The following NEDD4L variants were observed in gnomAD, a reference collection of about 807,000 sequenced individuals.
The protein encoded by NEDD4L is E3 ubiquitin-protein ligase NEDD4-like.
Under a neutral mutation model 148.9 loss-of-function variants are expected in NEDD4L, and 54 were observed. That is an observed-to-expected ratio of 0.36 (90% CI 0.29 to 0.45). NEDD4L has a LOEUF of 0.45. Ranked by LOEUF, NEDD4L falls within the 20% of genes least tolerant of loss-of-function variation. The pLI, the probability that NEDD4L is intolerant of heterozygous loss-of-function variation, is 1.00. For synonymous variants in NEDD4L, 433 were observed against 440.7 expected, an observed-to-expected ratio of 0.98 and a Z score of 0.22; for missense variants, 856 against 1,233.8, an observed-to-expected ratio of 0.69 and a Z score of 4.59.
At chr18:58,075,779 A>T (rs888340615) in intron 1 of NEDD4L, among the ~76,000 whole-genome samples, 2 of 151,816 alleles carry the variant, frequency 1.3e-5, no homozygotes, top group East Asian at 1.9e-4. Flanking sequence ...TTTTTTTTTT[A>T]AATTAGCTGG....
At chr18:58,320,811 C>T (rs915509197) in intron 6 of NEDD4L, among the ~76,000 whole-genome samples, 1 of 151,852 alleles carries the variant, frequency 6.6e-6, no homozygotes, top group Admixed American at 6.6e-5. Flanking sequence ...GACCCTGTCT[C>T]TAAATTAAAT....
At chr18:58,355,312 G>C (rs536124461) in intron 18 of NEDD4L, among the ~76,000 whole-genome samples, 127 of 152,292 alleles carry the variant, frequency 8.3e-4, no homozygotes, top group African/African-American at 2.6e-3. Context: ...TTCCTGATTG[G>C]GACAGTGAGT....
intron 1 of NEDD4L, among the ~76,000 whole-genome samples, chr18:58,087,485 T>TTTTTCTTG (rs1284510031): frequency 6.6e-6 from 1 of 152,230 alleles, no homozygotes; most frequent in Non-Finnish European, 1.5e-5. Context: ...TTTTTTTCTT[T>TTTTTCTTG]TTAGCAAGCA....
chr18:58,069,705 T>G (rs889167889), intron 1 of NEDD4L, among the ~76,000 whole-genome samples: 2 of 152,242 alleles, frequency 1.3e-5, no homozygotes, highest in Non-Finnish European at 2.9e-5. Context: ...GAATGCTGGA[T>G]AGTGGATTAA....
intron 1 of NEDD4L, among the ~76,000 whole-genome samples, chr18:58,117,584 A>G (rs1392736229): frequency 6.6e-6 from 1 of 152,208 alleles, no homozygotes; most frequent in Non-Finnish European, 1.5e-5. Context: ...ATTGTTCGAA[A>G]TGTAGCAAAC....
chr18:58,277,099 A>C (rs537530173), intron 5 of NEDD4L, among the ~76,000 whole-genome samples: 1 of 152,224 alleles, frequency 6.6e-6, no homozygotes, highest in Non-Finnish European at 1.5e-5. Context: ...GGTCTCAGGA[A>C]GAAGGGCCGA....
At chr18:58,326,127 A>G (rs1018564432) in intron 9 of NEDD4L, among the ~76,000 whole-genome samples, 2 of 152,224 alleles carry the variant, frequency 1.3e-5, no homozygotes, top group Non-Finnish European at 2.9e-5. Context: ...AAAACCTTTT[A>G]TCTTTAGAAA....
chr18:58,333,075 G>A (rs573157675), intron 11 of NEDD4L, among the ~76,000 whole-genome samples: 5 of 152,008 alleles, frequency 3.3e-5, no homozygotes, highest in South Asian at 2.1e-4. Context: ...TCAGGAGGTC[G>A]AGACCAGCCT....
chr18:58,146,898 T>TA (rs75394254), intron 1 of NEDD4L, among the ~76,000 whole-genome samples: 22,037 of 152,208 alleles, frequency 0.14, 1,827 homozygotes, highest in Non-Finnish European at 0.19. Context: ...GCCTGGAAAT[T>TA]ACGTTGCTGG....
chr18:58,054,952 TTAAGCCAGGAG>T (rs1275778222), intron 1 of NEDD4L: 3 of 152,178 alleles, frequency 2.0e-5, no homozygotes, highest in African/African-American at 4.8e-5. Flanking sequence ...AGAGAACACT[TTAAGCCAGGAG>T]TAAGAGCTTT....
At chr18:58,067,525 G>A (rs551617701) in intron 1 of NEDD4L, among the ~76,000 whole-genome samples, 1 of 152,220 alleles carries the variant, frequency 6.6e-6, no homozygotes, top group Admixed American at 6.5e-5. Context: ...GAGGTGGTGT[G>A]GGGGGCCTGC....
rs141072597 is a variant in NEDD4L, at chr18:58,143,020, G to A, written c.49-22768G>A. Among the ~76,000 whole-genome samples, 421 of 152,286 alleles carry A rather than the reference G, an allele frequency of 2.8e-3. 1 individual carries two copies. Among genetic ancestry groups the A allele is most frequent in the Non-Finnish European group, 3.9e-3 (268 of 68,022 alleles). ...CACCTGTGGGGAAGAGGCAGCATGC[G>A]GAGCAGACAGGTGCCTGCTGCAGGT... On this transcript the variant is annotated intron_variant, in intron 1 of 30. Coordinates refer to ENST00000400345, the MANE Select transcript of NEDD4L (RefSeq NM_001144967.3).
intron 1 of NEDD4L, among the ~76,000 whole-genome samples, chr18:58,051,982 G>A (rs1389512905): frequency 6.6e-6 from 1 of 152,140 alleles, no homozygotes; most frequent in African/African-American, 2.4e-5. Context: ...CAATGTTTGT[G>A]CTGTTCACTG....
At chr18:58,211,030 T>A (rs2042554435) in intron 2 of NEDD4L, among the ~76,000 whole-genome samples, 1 of 152,088 alleles carries the variant, frequency 6.6e-6, no homozygotes, top group Non-Finnish European at 1.5e-5. Flanking sequence ...TCTGAAAAAG[T>A]TTAGTAGCCA....
chr18:58,275,103 A>C (rs1381615120), intron 5 of NEDD4L, among the ~76,000 whole-genome samples: 1 of 152,354 alleles, frequency 6.6e-6, no homozygotes, highest in Admixed American at 6.5e-5. Flanking sequence ...GTAATAGCCT[A>C]CTGTTGACAG....
At chr18:58,375,319 C>T (rs1355374665) in intron 24 of NEDD4L, among the ~76,000 whole-genome samples, 1 of 151,998 alleles carries the variant, frequency 6.6e-6, no homozygotes. Flanking sequence ...TTCTCTAGTG[C>T]CTACCCTGTT....
chr18:58,283,431 A>T, intron 5 of NEDD4L, among the ~76,000 whole-genome samples: 1 of 152,176 alleles, frequency 6.6e-6, no homozygotes, highest in East Asian at 1.9e-4. Context: ...ACTGCCGCTC[A>T]TATTTTACTG....
intron 1 of NEDD4L, among the ~76,000 whole-genome samples, chr18:58,127,943 T>G (rs2031431301): frequency 6.6e-6 from 1 of 152,180 alleles, no homozygotes; most frequent in African/African-American, 2.4e-5. Flanking sequence ...CTTGGCTCAC[T>G]GCAAACCCCA....
chr18:58,313,195 C>T (rs1001244218), intron 5 of NEDD4L, among the ~76,000 whole-genome samples: 1 of 152,222 alleles, frequency 6.6e-6, no homozygotes, highest in African/African-American at 2.4e-5. Context: ...ATTTCCATCT[C>T]TATTCATGTA....
Sources: allele counts gnomAD v4.1 joint callset (sites outside exome capture counted in the v4.1 genomes callset), GRCh38; gene constraint gnomAD v4.1.1; transcripts MANE v1.5; gene names NCBI Gene and HGNC (gene_info 2026-07-23, HGNC 2026-07-21).